SGK3: variants seen among roughly 807,000 people sequenced by gnomAD.
SGK3 encodes serine/threonine-protein kinase Sgk3.
Under a neutral mutation model 68.5 loss-of-function variants are expected in SGK3, and 47 were observed. The ratio of observed to expected loss-of-function variants is 0.69; its 90% confidence interval spans 0.54 to 0.87. SGK3 has a LOEUF of 0.87. SGK3 is among the 40% of genes least tolerant of loss of function. The pLI, the probability that SGK3 is intolerant of heterozygous loss-of-function variation, is 0.00. For missense variants in SGK3, 479 were observed against 575.5 expected, an observed-to-expected ratio of 0.83 and a Z score of 1.72; for synonymous variants, 181 against 189.1, an observed-to-expected ratio of 0.96 and a Z score of 0.35.
intron 1 of SGK3, among the ~76,000 whole-genome samples, chr8:66,717,356 C>G (rs1804666714): frequency 6.6e-6 from 1 of 151,422 alleles, no homozygotes; most frequent in Non-Finnish European, 1.5e-5. Context: ...ATGGAGAAAC[C>G]CCATCTCTAC....
At chr8:66,738,064 C>A (rs1387784480) in intron 1 of SGK3, among the ~76,000 whole-genome samples, 1 of 151,924 alleles carries the variant, frequency 6.6e-6, no homozygotes, top group Non-Finnish European at 1.5e-5. Flanking sequence ...TGATGTCCCA[C>A]CCCCACATTT....
intron 4 of SGK3, among the ~76,000 whole-genome samples, chr8:66,805,295 G>A (rs1469885498): frequency 6.6e-6 from 1 of 152,042 alleles, no homozygotes; most frequent in African/African-American, 2.4e-5. Flanking sequence ...TGAGGCAGGT[G>A]GATCACAAGG....
chr8:66,733,080 G>A (rs988994539), intron 1 of SGK3, among the ~76,000 whole-genome samples: 5 of 152,206 alleles, frequency 3.3e-5, no homozygotes, highest in South Asian at 2.1e-4. Flanking sequence ...CAGAAAAGCC[G>A]AATCATTTCG....
intron 5 of SGK3, among the ~76,000 whole-genome samples, chr8:66,815,259 C>T (rs1256189414): frequency 6.6e-6 from 1 of 152,132 alleles, no homozygotes; most frequent in African/African-American, 2.4e-5. Flanking sequence ...GTCTTCTGGT[C>T]AGAGATATGG....
intron 5 of SGK3, among the ~76,000 whole-genome samples, chr8:66,818,289 A>C (rs1808676310): frequency 6.6e-6 from 1 of 152,218 alleles, no homozygotes; most frequent in Admixed American, 6.5e-5. Flanking sequence ...AAACAAAACA[A>C]AACAGAACAA....
At chr8:66,737,677 A>C (rs1003152456) in intron 1 of SGK3, 1 of 145,976 alleles carries the variant, frequency 6.9e-6, no homozygotes, top group Non-Finnish European at 1.5e-5. Context: ...GTGAAGTGGC[A>C]TGATCTCGGC....
At chr8:66,803,879 G>A (rs1808052104) in intron 3 of SGK3, among the ~76,000 whole-genome samples, 1 of 151,962 alleles carries the variant, frequency 6.6e-6, no homozygotes, top group South Asian at 2.1e-4. Context: ...ATCAATAAGG[G>A]GAAGGTTAGA....
intron 10 of SGK3, among the ~76,000 whole-genome samples, chr8:66,837,707 C>T (rs767868258): frequency 6.6e-6 from 1 of 152,122 alleles, no homozygotes; most frequent in Non-Finnish European, 1.5e-5. Context: ...TTGTTTGAGC[C>T]CAGGAGGTTG....
chr8:66,798,228 C>T (rs982101508), intron 2 of SGK3, among the ~76,000 whole-genome samples: 3 of 151,920 alleles, frequency 2.0e-5, no homozygotes, highest in Non-Finnish European at 2.9e-5. Flanking sequence ...GGCTGGTCTC[C>T]AGCTCCTATG....
intron 2 of SGK3, among the ~76,000 whole-genome samples, chr8:66,795,763 T>C (rs1327960430): frequency 6.6e-6 from 1 of 152,182 alleles, no homozygotes; most frequent in African/African-American, 2.4e-5. Flanking sequence ...TTCTCAAATA[T>C]TGCCTTATTA....
chr8:66,857,114 A>C (rs1205518990), intron 16 of SGK3, among the ~76,000 whole-genome samples: 1 of 152,118 alleles, frequency 6.6e-6, no homozygotes, highest in Non-Finnish European at 1.5e-5. Flanking sequence ...ACAGCTAGCA[A>C]ATTTTGTAGC....
chr8:66,768,824 A>T (rs2130482966), intron 1 of SGK3, among the ~76,000 whole-genome samples: 1 of 152,196 alleles, frequency 6.6e-6, no homozygotes, highest in South Asian at 2.1e-4. Flanking sequence ...TGCCCTCCTC[A>T]GCCTCCTACA....
chr8:66,849,298 C>T (rs1258874257), intron 15 of SGK3, among the ~76,000 whole-genome samples: 1 of 152,160 alleles, frequency 6.6e-6, no homozygotes, highest in Non-Finnish European at 1.5e-5. Context: ...CTATTGTCCC[C>T]CTGTGCTCCC....
intron 16 of SGK3, among the ~76,000 whole-genome samples, chr8:66,855,968 G>A (rs1161759460): frequency 2.0e-5 from 3 of 152,152 alleles, no homozygotes; most frequent in Non-Finnish European, 4.4e-5. Flanking sequence ...TGAGTTAACT[G>A]AGGCACAAAG....
At position 66,791,546 on chromosome 8, in the gene SGK3, T is replaced by C. The variant is rs561832772; in HGVS notation, c.-121-2070T>C. On this transcript the variant is annotated intron_variant, in intron 1 of 16. Transcript: ENST00000521198. ...GTTGTCCTGCCTACCATCTCTTTCC[T>C]TCTCCTTTATTCCTGATGCCATTTA... 1.1e-4 allele frequency among the ~76,000 whole-genome samples: 16 copies of C among 152,334 alleles called. No homozygotes were observed. The South Asian group carries it at 3.3e-3, about 32-fold the overall frequency.
chr8:66,813,418 G>T (rs1485416356), intron 4 of SGK3, among the ~76,000 whole-genome samples: 1 of 152,046 alleles, frequency 6.6e-6, no homozygotes, highest in Non-Finnish European at 1.5e-5. Flanking sequence ...TTATTGCCCA[G>T]TTGCAAAGGA....
At chr8:66,774,608 A>G (rs1487584925) in intron 1 of SGK3, among the ~76,000 whole-genome samples, 3 of 152,044 alleles carry the variant, frequency 2.0e-5, no homozygotes, top group Admixed American at 2.0e-4. Flanking sequence ...TTCATGCCAA[A>G]CCCGGCCGCG....
intron 1 of SGK3, among the ~76,000 whole-genome samples, chr8:66,732,119 T>G (rs1202601293): frequency 6.6e-6 from 1 of 152,218 alleles, no homozygotes; most frequent in Non-Finnish European, 1.5e-5. Flanking sequence ...TTTCTTGTTT[T>G]TCATTGGAAC....
chr8:66,845,755 G>A (rs112545251), intron 14 of SGK3, among the ~76,000 whole-genome samples: 3,650 of 150,224 alleles, frequency 0.024, 81 homozygotes, highest in South Asian at 0.054. Context: ...ACAGGGTGTC[G>A]CCATGTTGCC....
Sources: allele counts gnomAD v4.1 joint callset (sites outside exome capture counted in the v4.1 genomes callset), GRCh38; gene constraint gnomAD v4.1.1; transcripts MANE v1.5; gene names NCBI Gene and HGNC (gene_info 2026-07-23, HGNC 2026-07-21).